SBF1: variants seen among roughly 807,000 people sequenced by gnomAD.
SBF1 encodes the protein SET binding factor 1, also known as myotubularin-related protein 5.
A neutral mutation model predicts 215.8 loss-of-function variants in SBF1; 65 were observed. The ratio of observed to expected loss-of-function variants is 0.30; its 90% CI spans 0.25 to 0.37. SBF1 has a LOEUF of 0.37. Among genes scored for constraint, SBF1 ranks in the 10% least tolerant of loss-of-function variants. The pLI is 1.00. For missense variants in SBF1, 2,634 were observed against 2,667.8 expected, an observed-to-expected ratio of 0.99 and a Z score of 0.28; for synonymous variants, 1,410 against 1,122.8, an observed-to-expected ratio of 1.26 and a Z score of -5.11.
Position 50,459,493 on chromosome 22 carries a change from T to C in SBF1, c.3665A>G (p.Lys1222Arg). Residue 1222 changes from lysine to arginine, a missense_variant, in exon 27 of 41, where the codon AAG becomes AGG. Transcript: ENST00000380817. ...ACCTGGAGAAGGTGCGTTCTGGGCC[T>C]TGAAGAGGCCGACGACACCTTTGCC... Reference protein sequence around the residue: ...LHGKGVVGLFKAQNAPSPGQS... With the variant: ...LHGKGVVGLFRAQNAPSPGQS... 2 of 1,610,230 alleles carry C rather than the reference T, an allele frequency of 1.2e-6. No homozygotes were observed. Among genetic ancestry groups the C allele is most frequent in the South Asian group, 1.1e-5 (1 of 91,068 alleles).
At chr22:50,450,242 C>T (rs923124269) in intron 36 of SBF1, among the ~76,000 whole-genome samples, 7 of 152,264 alleles carry the variant, frequency 4.6e-5, no homozygotes, top group Middle Eastern at 3.4e-3. Context: ...GACCTGACGC[C>T]GGCAGCAGTG....
At chr22:50,472,255 C>G (rs1368443483) in intron 1 of SBF1, among the ~76,000 whole-genome samples, 1 of 152,212 alleles carries the variant, frequency 6.6e-6, no homozygotes, top group Non-Finnish European at 1.5e-5. Flanking sequence ...AGGTTTCCAG[C>G]TGGTAACCAC....
chr22:50,468,622 C>T (rs2148607905), intron 1 of SBF1, among the ~76,000 whole-genome samples, 161 bp from the exon 2 acceptor site: 1 of 152,088 alleles, frequency 6.6e-6, no homozygotes, highest in South Asian at 2.1e-4. Flanking sequence ...GTCTGCTTGA[C>T]AGCTGCAGAC....
intron 31 of SBF1, chr22:50,455,815 G>A (rs1036999815): frequency 6.3e-5 from 36 of 575,538 alleles, no homozygotes; most frequent in Middle Eastern, 4.5e-4. Context: ...CTCTAGGACT[G>A]AGGGACGTCC....
chr22:50,455,434 C>T lies in SBF1; in HGVS notation c.4369-25G>A, dbSNP rs371825379. On this transcript the variant is annotated intron_variant, in intron 32 of 40. Coordinates refer to ENST00000380817, the MANE Select transcript of SBF1 (RefSeq NM_002972.4). Reference sequence around the variant, plus strand: ...CCTGCCAGCACCGCCAGGAGGTCAGCGAGGAGCCCGGGAGCCTGGCCCACC... The same window carrying T: ...CCTGCCAGCACCGCCAGGAGGTCAGTGAGGAGCCCGGGAGCCTGGCCCACC... The T allele has an allele frequency of 5.2e-5, 84 of 1,611,984 alleles. No homozygotes were observed. In the African/African-American group the frequency reaches 7.6e-4, roughly 15 times the overall value.
chr22:50,455,613 G>A, intron 31 of SBF1, 31 bp from the exon 32 acceptor site: 1 of 1,539,554 alleles, frequency 6.5e-7, no homozygotes, highest in Middle Eastern at 1.7e-4. Context: ...AGCACCTCGG[G>A]GACCCACCGC....
intron 31 of SBF1, chr22:50,456,001 C>T (rs2067230911): frequency 2.7e-5 from 16 of 596,952 alleles, no homozygotes; most frequent in South Asian, 1.7e-4. Flanking sequence ...ATACCCATGC[C>T]CAAGCCCTGG....
At chr22:50,471,380 G>A (rs892150799) in intron 1 of SBF1, among the ~76,000 whole-genome samples, 1 of 152,206 alleles carries the variant, frequency 6.6e-6, no homozygotes, top group African/African-American at 2.4e-5. Context: ...TCATCTGCTG[G>A]CAGCACCCCA....
At chr22:50,466,881 C>G in intron 5 of SBF1, 171 bp from the exon 6 acceptor site, 1 of 584,502 alleles carries the variant, frequency 1.7e-6, no homozygotes, top group Non-Finnish European at 3.0e-6. Flanking sequence ...TCTGTTGTCC[C>G]AAGCAGCTGC....
chr22:50,449,212 G>A (rs973310039), intron 36 of SBF1, among the ~76,000 whole-genome samples: 3 of 151,406 alleles, frequency 2.0e-5, no homozygotes, highest in South Asian at 2.1e-4. Context: ...CTTCAACACT[G>A]CAGGGTCCAC....
At position 50,460,264 on chromosome 22, in the gene SBF1, C is replaced by G; in HGVS notation, c.3283+8G>C. 6.2e-7 allele frequency: 1 copy of G among 1,601,884 alleles called. No homozygotes were observed. The highest frequency in any genetic ancestry group is 1.1e-5 in the South Asian group (1 of 90,032). ...AGACCACCCAGGACTCCACCCCCAC[C>G]CCTCCACCTGAGATCTCGTCCTCCT... On this transcript the variant is annotated splice_region_variant and intron_variant, in intron 25 of 40. Coordinates refer to ENST00000380817, the MANE Select transcript of SBF1 (RefSeq NM_002972.4).
At chr22:50,455,789 C>T in intron 31 of SBF1, 1 of 604,702 alleles carries the variant, frequency 1.7e-6, no homozygotes, top group Non-Finnish European at 2.9e-6. Flanking sequence ...GGTCACAGCC[C>T]ACCCCCTTCC....
In SBF1 at chr22:50,460,108, G is replaced by A. The variant is rs2067439328; in HGVS notation, c.3335C>T (p.Pro1112Leu). The A allele has an allele frequency of 6.2e-7, 1 of 1,613,312 alleles. No individual in the cohort carries two copies. The highest frequency in any genetic ancestry group is 1.3e-5 in the African/African-American group (1 of 74,932). ...STLTPSSALKPSDRMTMSSLV... is the reference protein window; with the variant it reads ...STLTPSSALKLSDRMTMSSLV... ...GCTGCTCATGGTCATGCGGTCGGAG[G>A]GCTTCAGGGCTGAGGACGGGGTCAG... Residue 1112 changes from proline to leucine, a missense_variant, in exon 26 of 41, where the codon CCC becomes CTC. By Grantham distance (98) the Pro-to-Leu change is moderately conservative (BLOSUM62 -3). Transcript: ENST00000380817.
intron 36 of SBF1, among the ~76,000 whole-genome samples, chr22:50,454,068 G>T (rs890312368): frequency 6.6e-6 from 1 of 152,200 alleles, no homozygotes; most frequent in African/African-American, 2.4e-5. Flanking sequence ...AGGGGTAAGA[G>T]AGGCCTCAAT....
chr22:50,466,658 G>C lies in SBF1; in HGVS notation c.602C>G (p.Ala201Gly), dbSNP rs1343240444. ...GDRQVIQTPL[A>G]DSLPVSRCSV... ...GCAGCGGCTGACGGGCAGCGAGTCGGCCAGTGGAGTCTGGATGACCTGCCG... is the reference window on the plus strand; with the variant it reads ...GCAGCGGCTGACGGGCAGCGAGTCGCCCAGTGGAGTCTGGATGACCTGCCG... The change falls in exon 6 of 41, where the codon GCC becomes GGC. Residue 201 changes from alanine (A) to glycine (G), a missense_variant. Coordinates refer to ENST00000380817, the MANE Select transcript of SBF1 (RefSeq NM_002972.4). 1.3e-6 allele frequency: 2 copies of C among 1,550,890 alleles called. No individual in the cohort carries two copies. The highest frequency in any genetic ancestry group is 1.7e-6 in the Non-Finnish European group (2 of 1,147,064).
rs755215084 is a variant in SBF1 at position 50,448,606 on chromosome 22, G to A, written c.5088C>T (p.Arg1696=). 1.2e-6 allele frequency: 2 copies of A among 1,611,918 alleles called. No homozygotes were observed. The highest frequency in any genetic ancestry group is 1.7e-6 in the Non-Finnish European group (2 of 1,180,016). The part of the protein sequence containing the change: ...LETELGQPAE[R]WKDTWDRVKA... ...TCACCCGGTCCCAGGTGTCCTTCCA[G>A]CGCTCAGCGGGTTGGCCCAACTCTG... Residue 1696 remains arginine (R), a synonymous_variant, in exon 37 of 41, where the codon CGC becomes CGT. Transcript: ENST00000380817.
Position 50,447,607 on chromosome 22 carries a change from G to A in SBF1, c.5366C>T (p.Ser1789Phe). ...CTTCTTGTACAGAGTGCCCTCGTAG[G>A]ACCTGCATTTCCAGCAGAACCAGGG... ...QFQTAESENRSYEGTLYKKGA... is the reference protein window; with the variant it reads ...QFQTAESENRFYEGTLYKKGA... The change falls in exon 39 of 41, where the codon TCC (serine) becomes TTC (phenylalanine). Residue 1789 changes from serine to phenylalanine, a missense_variant and splice_region_variant. By Grantham distance (155) the Ser-to-Phe change is radical (BLOSUM62 -2). Transcript: ENST00000380817. 2 of 1,608,400 alleles carry A rather than the reference G, an allele frequency of 1.2e-6. No individual in the cohort carries two copies. Among genetic ancestry groups the A allele is most frequent in the Non-Finnish European group, 1.7e-6 (2 of 1,177,522 alleles).
In SBF1 at chr22:50,464,489, C is replaced by A. The variant is rs374290688; in HGVS notation, c.1636+45G>T. 3.1e-6 allele frequency: 5 copies of A among 1,602,780 alleles called. No individual in the cohort carries two copies. In the Admixed American group the frequency reaches 5.0e-5, roughly 16 times the overall value. ...CTCGGACCCCTGACCCCACGCCCAT[C>A]CTGGGCCACGCTCGGGGCCTGCCTT... On this transcript the variant is annotated intron_variant, in intron 14 of 40. Coordinates refer to ENST00000380817, the MANE Select transcript of SBF1 (RefSeq NM_002972.4).
At chr22:50,467,124 T>G in intron 5 of SBF1, 3 of 586,368 alleles carry the variant, frequency 5.1e-6, no homozygotes, top group East Asian at 2.9e-5. Flanking sequence ...ATCAAAGGAG[T>G]GGACAGAGAG....
Sources: gnomAD v4.1 joint callset for allele counts (sites outside exome capture counted in the v4.1 genomes callset) on GRCh38, gnomAD v4.1.1 for gene constraint, MANE v1.5 for transcripts, NCBI Gene and HGNC (gene_info 2026-07-23, HGNC 2026-07-21) for gene names.